Variants in HPSE2 observed in about 807,000 individuals in gnomAD.
The protein encoded by HPSE2 is heparanase 2 (inactive).
A neutral mutation model predicts 60.5 loss-of-function variants in HPSE2; 38 were observed. The observed-to-expected ratio is 0.63, with a 90% CI of 0.48 to 0.82. The LOEUF (loss-of-function observed/expected upper bound fraction) is 0.82. HPSE2 is among the 40% of genes least tolerant of loss of function. The probability of loss-of-function intolerance (pLI) is 0.00; values close to 1 mark genes in which losing one functional copy is unlikely to be tolerated. For synonymous variants in HPSE2, 295 were observed against 293.2 expected (o/e 1.01, Z -0.06); for missense variants, 713 against 740.4 (o/e 0.96, Z 0.43).
At chr10:99,027,772 A>G (rs1170115285) in intron 3 of HPSE2, among the ~76,000 whole-genome samples, 3 of 150,362 alleles carry the variant, frequency 2.0e-5, no homozygotes, top group Admixed American at 6.6e-5. Flanking sequence ...AATACTAGTA[A>G]ACCAAACTCA....
At chr10:99,260,303 T>C in the HPSE2 span, among the ~76,000 whole-genome samples, 1 of 151,268 alleles carries the variant, frequency 6.6e-6, no homozygotes, top group Admixed American at 6.6e-5. Flanking sequence ...AGCCTGTTGG[T>C]GGTCTCTTCA....
chr10:98,916,203 A>G (rs1252722483), intron 3 of HPSE2, among the ~76,000 whole-genome samples: 2 of 152,252 alleles, frequency 1.3e-5, no homozygotes, highest in African/African-American at 4.8e-5. Flanking sequence ...ATTAAAGAAT[A>G]TAAAACTGTA....
At chr10:99,224,390 C>G (rs987921258) in intron 2 of HPSE2, among the ~76,000 whole-genome samples, 6 of 150,860 alleles carry the variant, frequency 4.0e-5, no homozygotes, top group Admixed American at 1.3e-4. Context: ...TTCTCTCATT[C>G]TCATATTCAT....
chr10:99,237,399 C>G (rs896831018), upstream of HPSE2, among the ~76,000 whole-genome samples: 1 of 152,122 alleles, frequency 6.6e-6, no homozygotes, highest in Non-Finnish European at 1.5e-5. Context: ...CAACCTGTAT[C>G]CTCTTACCTC....
At position 98,744,168 on chromosome 10, in the gene HPSE2, CACAG is replaced by C; in HGVS notation, c.611-116_611-113del. ...TGAGCTTCCCACTAATAAGGAATAACACAGACAGGCTTCTAAAAGGGACTATTAC... is the reference window on the plus strand; with the variant it reads ...TGAGCTTCCCACTAATAAGGAATAACACAGGCTTCTAAAAGGGACTATTAC... On this transcript the variant is annotated intron_variant, in intron 3 of 11. Coordinates refer to ENST00000370552, the MANE Select transcript of HPSE2 (RefSeq NM_021828.5). 3 of 955,918 alleles carry C rather than the reference CACAG, an allele frequency of 3.1e-6. No individual in the cohort carries two copies. The East Asian group carries it at 7.9e-5, about 25-fold the overall frequency. The allele number at this position is 955,918 out of a possible 1,614,324, so 59.2% of individuals were successfully genotyped here. A position where few individuals can be genotyped will look rare whatever the true frequency, so the allele number is the denominator to read the frequency against.
chr10:98,972,727 A>G (rs1955987463), intron 3 of HPSE2, among the ~76,000 whole-genome samples: 3 of 152,110 alleles, frequency 2.0e-5, no homozygotes, highest in South Asian at 2.1e-4. Flanking sequence ...CACTCCCTCA[A>G]TACTCTGCAC....
chr10:98,781,306 T>TTTTTTTTTTTTTTTTTTTTTTTTTTTTTG, intron 3 of HPSE2, among the ~76,000 whole-genome samples: 1 of 120,106 alleles, frequency 8.3e-6, no homozygotes. Context: ...TTTTTTTTTT[T>TTTTTTTTTTTTTTTTTTTTTTTTTTTTTG]ATTTTTAAAT....
chr10:99,000,777 A>G (rs1163046362), intron 3 of HPSE2, among the ~76,000 whole-genome samples: 1 of 152,128 alleles, frequency 6.6e-6, no homozygotes, highest in South Asian at 2.1e-4. Context: ...ATTATATGCT[A>G]AGCTTAATGT....
At chr10:98,806,002 T>C (rs996015170) in intron 3 of HPSE2, among the ~76,000 whole-genome samples, 3 of 152,180 alleles carry the variant, frequency 2.0e-5, no homozygotes, top group Admixed American at 1.3e-4. Flanking sequence ...AGCAAGAAGC[T>C]CTGCAACATG....
chr10:98,745,622 C>T (rs1026049039), intron 3 of HPSE2, among the ~76,000 whole-genome samples: 1 of 152,294 alleles, frequency 6.6e-6, no homozygotes, highest in East Asian at 1.9e-4. Flanking sequence ...CCTTTGCTCT[C>T]CTTATTTGTC....
upstream of HPSE2, among the ~76,000 whole-genome samples, chr10:99,240,125 G>A (rs1183423203): frequency 6.6e-6 from 1 of 151,928 alleles, no homozygotes; most frequent in African/African-American, 2.4e-5. Flanking sequence ...GGAGGTGGAG[G>A]TTACAGTGAG....
At position 98,769,175 on chromosome 10, in the gene HPSE2, G is replaced by A. The variant is rs965803227; in HGVS notation, c.611-25119C>T. 4.6e-5 allele frequency among the ~76,000 whole-genome samples: 7 copies of A among 152,106 alleles called. No individual in the cohort carries two copies. The South Asian group carries it at 1.5e-3, about 32-fold the overall frequency. ...AGTATACGCAAATTGAAGAAATGTA[G>A]GAGACCACTGGAAGATTGGGAAGAA... On this transcript the variant is annotated intron_variant, in intron 3 of 11. Coordinates refer to ENST00000370552, the MANE Select transcript of HPSE2 (RefSeq NM_021828.5).
intron 9 of HPSE2, among the ~76,000 whole-genome samples, chr10:98,491,597 A>G (rs1331117666): frequency 2.6e-5 from 4 of 152,218 alleles, no homozygotes; most frequent in Non-Finnish European, 5.9e-5. Context: ...TTAAATAATA[A>G]AAGTAAAAAA....
chr10:99,087,301 T>C (rs531638978), intron 3 of HPSE2, among the ~76,000 whole-genome samples: 1 of 152,324 alleles, frequency 6.6e-6, no homozygotes, highest in South Asian at 2.1e-4. Flanking sequence ...AACTTCCCTT[T>C]CATGGTTAGT....
At chr10:98,508,966 C>T (rs1007046463) in intron 9 of HPSE2, among the ~76,000 whole-genome samples, 2 of 152,156 alleles carry the variant, frequency 1.3e-5, no homozygotes, top group Admixed American at 6.5e-5. Context: ...ATTCAATTTA[C>T]TTTTAGCAAG....
At chr10:98,571,742 G>A (rs545956107) in intron 9 of HPSE2, among the ~76,000 whole-genome samples, 1 of 152,074 alleles carries the variant, frequency 6.6e-6, no homozygotes, top group African/African-American at 2.4e-5. Flanking sequence ...AGGTGCCTTC[G>A]AGACAAAGTT....
intron 3 of HPSE2, among the ~76,000 whole-genome samples, chr10:99,119,390 G>T (rs1418163431): frequency 6.7e-6 from 1 of 149,252 alleles, no homozygotes; most frequent in East Asian, 2.0e-4. Context: ...AATGAGAGAG[G>T]TAAAAAATCT....
chr10:99,184,662 T>C (rs1283411125), intron 2 of HPSE2, among the ~76,000 whole-genome samples: 3 of 147,050 alleles, frequency 2.0e-5, no homozygotes, highest in African/African-American at 5.0e-5. Context: ...AAGACACAAG[T>C]TGAGTTTCTA....
intron 3 of HPSE2, among the ~76,000 whole-genome samples, chr10:98,955,927 A>C (rs1955499246): frequency 6.6e-6 from 1 of 152,078 alleles, no homozygotes; most frequent in Non-Finnish European, 1.5e-5. Context: ...GGACACAGGG[A>C]GGGGAACAAC....
Sources: allele counts gnomAD v4.1 joint callset (sites outside exome capture counted in the v4.1 genomes callset), GRCh38; gene constraint gnomAD v4.1.1; transcripts MANE v1.5; gene names NCBI Gene and HGNC (gene_info 2026-07-23, HGNC 2026-07-21).